Variants in ETFDH observed in about 807,000 individuals in gnomAD.
ETFDH encodes the protein electron transfer flavoprotein-ubiquinone oxidoreductase, mitochondrial.
In ETFDH, 61 loss-of-function variants were observed where a neutral mutation model predicts 73.2. The observed-to-expected ratio is 0.83, with a 90% CI of 0.68 to 1.03. The LOEUF (loss-of-function observed/expected upper bound fraction) is 1.03. Among genes scored for constraint, ETFDH ranks in the 50% least tolerant of loss-of-function variants. The pLI is 0.00. For synonymous variants in ETFDH, 243 were observed against 253.3 expected, an observed-to-expected ratio of 0.96 and a Z score of 0.39; for missense variants, 685 against 745.0, an observed-to-expected ratio of 0.92 and a Z score of 0.94.
chr4:158,675,525 G>A (rs767386245), intron 1 of ETFDH, among the ~76,000 whole-genome samples: 1 of 152,146 alleles, frequency 6.6e-6, no homozygotes, highest in Non-Finnish European at 1.5e-5. Flanking sequence ...CCAGCGTTTT[G>A]GGAGGCTGAG....
At chr4:158,702,497 G>T (rs1774490916) in intron 9 of ETFDH, among the ~76,000 whole-genome samples, 1 of 150,684 alleles carries the variant, frequency 6.6e-6, no homozygotes, top group Admixed American at 6.6e-5. Context: ...CCATCCTCTA[G>T]TAGCCACTGT....
intron 5 of ETFDH, among the ~76,000 whole-genome samples, chr4:158,687,421 A>T (rs1774033812): frequency 6.6e-6 from 1 of 152,200 alleles, no homozygotes; most frequent in Non-Finnish European, 1.5e-5. Flanking sequence ...CCTCAACATC[A>T]GCATGCCAGG....
intron 6 of ETFDH, among the ~76,000 whole-genome samples, chr4:158,695,226 C>T (rs568636919): frequency 1.3e-5 from 2 of 152,100 alleles, no homozygotes; most frequent in Non-Finnish European, 2.9e-5. Context: ...GATAATCTAT[C>T]CTGTCTCTCT....
At chr4:158,692,731 A>G (rs1028632971) in intron 6 of ETFDH, among the ~76,000 whole-genome samples, 3 of 150,222 alleles carry the variant, frequency 2.0e-5, no homozygotes, top group Non-Finnish European at 4.4e-5. Context: ...AAATTCTACC[A>G]TTCTGATATT....
rs373751808 is a variant in ETFDH, at chr4:158,703,637, A to T, written c.1285+46A>T. ...GTATACAAAAGAAAATTGCTGGGTTATGTGTATTTCAATTGACATTAAAAG... is the reference window on the plus strand; with the variant it reads ...GTATACAAAAGAAAATTGCTGGGTTTTGTGTATTTCAATTGACATTAAAAG... On this transcript the variant is annotated intron_variant, in intron 10 of 12. Transcript: ENST00000511912. 5.1e-6 allele frequency: 6 copies of T among 1,166,866 alleles called. No individual in the cohort carries two copies. The African/African-American group carries it at 9.1e-5, about 18-fold the overall frequency. The allele number at this position is 1,166,866 out of a possible 1,614,324, so 72.3% of individuals were successfully genotyped here.
At chr4:158,681,367 G>A (rs922029286) in intron 2 of ETFDH, among the ~76,000 whole-genome samples, 3 of 152,150 alleles carry the variant, frequency 2.0e-5, no homozygotes, top group Admixed American at 6.5e-5. Context: ...CAATGTGTTT[G>A]TGTTTTAGCT....
Position 158,695,624 on chromosome 4 carries a change from A to C in ETFDH, c.812A>C (p.Tyr271Ser). 1 of 1,610,494 alleles carries C rather than the reference A, an allele frequency of 6.2e-7. No homozygotes were observed. Among genetic ancestry groups the C allele is most frequent in the Non-Finnish European group, 8.5e-7 (1 of 1,176,732 alleles). Residue 271 changes from tyrosine (Y) to serine (S), a missense_variant, in exon 7 of 13, where the codon TAC (tyrosine) becomes TCC (serine). Tyr to Ser is a moderately radical substitution (Grantham distance 144). Coordinates refer to ENST00000511912, the MANE Select transcript of ETFDH (RefSeq NM_004453.4). ...DLRANCEPQTYGIGLKELWVI... is the reference protein window; with the variant it reads ...DLRANCEPQTSGIGLKELWVI... ...AGAGCAAATTGTGAACCTCAAACCT[A>C]CGGGATTGGACTGAAGGAGGTATCC...
chr4:158,703,196 A>G (rs1352528617), intron 9 of ETFDH, among the ~76,000 whole-genome samples: 1 of 152,232 alleles, frequency 6.6e-6, no homozygotes, highest in African/African-American at 2.4e-5. Context: ...AGGATGGAAA[A>G]AGAAAAACTC....
intron 6 of ETFDH, among the ~76,000 whole-genome samples, chr4:158,691,081 A>C (rs188691314): frequency 2.2e-4 from 34 of 152,324 alleles, no homozygotes; most frequent in Non-Finnish European, 4.0e-4. Context: ...AACATAAGTC[A>C]AACACATGTC....
At chr4:158,692,890 C>CATATAT (rs1056213642) in intron 6 of ETFDH, among the ~76,000 whole-genome samples, 26 of 89,666 alleles carry the variant, frequency 2.9e-4, no homozygotes, top group African/African-American at 8.7e-4. Flanking sequence ...AAAAAAAAAA[C>CATATAT]ATATATATAT....
chr4:158,705,283 A>C (rs746356332), intron 10 of ETFDH, among the ~76,000 whole-genome samples: 6 of 152,114 alleles, frequency 3.9e-5, no homozygotes, highest in Admixed American at 6.5e-5. Flanking sequence ...CTGCAATCTC[A>C]AATTCCTTGG....
chr4:158,703,894 C>T (rs566278287), intron 10 of ETFDH, among the ~76,000 whole-genome samples: 136 of 152,190 alleles, frequency 8.9e-4, no homozygotes, highest in Non-Finnish European at 1.4e-3. Context: ...GTCAGGAGCT[C>T]GAGACTAGCC....
In ETFDH at chr4:158,706,644, G is replaced by T. The variant is rs759959904; in HGVS notation, c.1484G>T (p.Arg495Leu). The change falls in exon 12 of 13, where the codon CGG becomes CTG. Residue 495 changes from arginine (R) to leucine (L), a missense_variant. By Grantham distance (102) the Arg-to-Leu change is moderately radical. Transcript: ENST00000511912. ...TLKHKGSDFERLKPAKDCTPI... is the reference protein window; with the variant it reads ...TLKHKGSDFELLKPAKDCTPI... ...ATTGTTGAAGGTTCTGACTTTGAAC[G>T]GCTCAAGCCAGCCAAGGATTGCACA... The T allele has an allele frequency of 6.2e-7, 1 of 1,613,812 alleles. No individual in the cohort carries two copies. The highest frequency in any genetic ancestry group is 2.2e-5 in the East Asian group (1 of 44,874).
At chr4:158,674,826 A>G (rs368571664) in intron 1 of ETFDH, among the ~76,000 whole-genome samples, 4 of 152,216 alleles carry the variant, frequency 2.6e-5, no homozygotes, top group Non-Finnish European at 4.4e-5. Flanking sequence ...GGAGCATGCT[A>G]TCTGCTGGAG....
rs747312700 is a variant in ETFDH, at chr4:158,706,828, C to T, written c.1668C>T (p.Pro556=). The change falls in exon 12 of 13, where the codon CCC becomes CCT. Residue 556 remains proline (P), a synonymous_variant. Coordinates refer to ENST00000511912, the MANE Select transcript of ETFDH (RefSeq NM_004453.4). Reference sequence around the variant, plus strand: ...GAAATCTGTCGATATATGATGGGCCCGAGCAGCGATTCTGTCCTGCAGGTA... The same window carrying T: ...GAAATCTGTCGATATATGATGGGCCTGAGCAGCGATTCTGTCCTGCAGGTA... ...VNRNLSIYDG[P]EQRFCPAGVY... is the part of the protein sequence containing the mutation. 9 of 1,608,410 alleles carry T rather than the reference C, an allele frequency of 5.6e-6. No individual in the cohort carries two copies. The highest frequency in any genetic ancestry group is 2.7e-5 in the African/African-American group (2 of 74,796).
chr4:158,674,430 G>A (rs894458954), intron 1 of ETFDH, among the ~76,000 whole-genome samples: 5 of 151,930 alleles, frequency 3.3e-5, no homozygotes, highest in Admixed American at 6.6e-5. Flanking sequence ...CTGAGCTTCC[G>A]TAGTACCTGG....
intron 1 of ETFDH, among the ~76,000 whole-genome samples, chr4:158,674,543 C>G (rs1028723056): frequency 6.6e-6 from 1 of 152,146 alleles, no homozygotes; most frequent in Non-Finnish European, 1.5e-5. Context: ...TCAAGTGATC[C>G]TCCTACCTCA....
chr4:158,685,732 T>G (rs1197101149), intron 5 of ETFDH, among the ~76,000 whole-genome samples: 2 of 152,178 alleles, frequency 1.3e-5, no homozygotes, highest in Non-Finnish European at 2.9e-5. Context: ...AGAGATTTAT[T>G]TAACATGCAT....
At chr4:158,707,992 T>C (rs953079930) in intron 12 of ETFDH, among the ~76,000 whole-genome samples, 2 of 152,200 alleles carry the variant, frequency 1.3e-5, no homozygotes, top group Non-Finnish European at 2.9e-5. Flanking sequence ...GTGTTCTGAC[T>C]GACAATGTAA....
Sources: gnomAD v4.1 joint callset for allele counts (sites outside exome capture counted in the v4.1 genomes callset) on GRCh38, gnomAD v4.1.1 for gene constraint, MANE v1.5 for transcripts, NCBI Gene and HGNC (gene_info 2026-07-23, HGNC 2026-07-21) for gene names.